Variants in TRPC7 observed in about 807,000 individuals in gnomAD.
TRPC7 encodes the protein short transient receptor potential channel 7.
A neutral mutation model predicts 90.1 loss-of-function variants in TRPC7; 42 were observed. That is an observed-to-expected ratio of 0.47 (90% CI 0.36 to 0.60). The LOEUF is 0.60. Ranked by LOEUF, TRPC7 falls within the 20% of genes least tolerant of loss-of-function variation. The pLI, the probability that TRPC7 is intolerant of heterozygous loss-of-function variation, is 0.00. For missense variants in TRPC7, 955 were observed against 1,112.3 expected, an observed-to-expected ratio of 0.86 and a Z score of 2.01; for synonymous variants, 451 against 436.3, an observed-to-expected ratio of 1.03 and a Z score of -0.42.
chr5:136,216,122 C>T (rs1755258352), intron 11 of TRPC7, 78 bp downstream of exon 11: 2 of 1,214,360 alleles, frequency 1.6e-6, no homozygotes, highest in Middle Eastern at 1.9e-4. Flanking sequence ...CCTGACAACA[C>T]TGTGGCCGTA....
chr5:136,324,727 C>T (rs1759293997), intron 2 of TRPC7, among the ~76,000 whole-genome samples: 1 of 152,100 alleles, frequency 6.6e-6, no homozygotes. Flanking sequence ...AAGTTCAACT[C>T]CTCAATTTTT....
chr5:136,286,556 G>A (rs1353885371), intron 3 of TRPC7, among the ~76,000 whole-genome samples: 1 of 152,190 alleles, frequency 6.6e-6, no homozygotes, highest in Non-Finnish European at 1.5e-5. Flanking sequence ...ATAGCCTTCT[G>A]ATGTCTTCCA....
intron 2 of TRPC7, among the ~76,000 whole-genome samples, chr5:136,318,199 G>A (rs1029093049): frequency 1.3e-5 from 2 of 152,088 alleles, no homozygotes; most frequent in African/African-American, 4.8e-5. Flanking sequence ...CCAAACCTGA[G>A]CTCAATTAGC....
chr5:136,275,083 G>A (rs1757321403), intron 3 of TRPC7, among the ~76,000 whole-genome samples: 1 of 152,098 alleles, frequency 6.6e-6, no homozygotes, highest in African/African-American at 2.4e-5. Context: ...TGCAAACTGG[G>A]CCTAGAAAAG....
chr5:136,226,109 G>A lies in TRPC7; in HGVS notation c.2187C>T (p.Leu729=), dbSNP rs757312499. 8.1e-6 allele frequency: 13 copies of A among 1,601,912 alleles called. No homozygotes were observed. The Admixed American group carries it at 8.5e-5, about 11-fold the overall frequency. ...YYLIMRIKMC[L]IKLCKSKAKS... ...TGGCCTTAGATTTGCAGAGTTTTAT[G>A]AGGCACATCTTGATTCTCATTATGA... The change falls in exon 9 of 12, where the codon CTC becomes CTT. Residue 729 remains leucine, a synonymous_variant. Transcript: ENST00000513104.
At chr5:136,229,959 T>A (rs1366924538) in intron 8 of TRPC7, among the ~76,000 whole-genome samples, 1 of 152,210 alleles carries the variant, frequency 6.6e-6, no homozygotes, top group Non-Finnish European at 1.5e-5. Context: ...TAGATTAGAT[T>A]CCCCTATTTG....
intron 2 of TRPC7, among the ~76,000 whole-genome samples, chr5:136,339,073 T>G (rs1159572847): frequency 6.6e-6 from 1 of 152,230 alleles, no homozygotes; most frequent in Non-Finnish European, 1.5e-5. Flanking sequence ...ATTGATATTT[T>G]CAGAAATGGG....
In TRPC7 at chr5:136,365,371, G is replaced by A; in HGVS notation, c.-117C>T. 9.4e-7 allele frequency: 1 copy of A among 1,064,856 alleles called. No individual in the cohort carries two copies. The highest frequency in any genetic ancestry group is 1.4e-6 in the Non-Finnish European group (1 of 716,878). The allele number at this position is 1,064,856 out of a possible 1,614,324, so 66.0% of individuals were successfully genotyped here. On this transcript the variant is annotated 5_prime_UTR_variant, in exon 1 of 12. Transcript: ENST00000513104. ...AGGATGTACCGCTCTCCGTGGTGCT[G>A]AAGTATAGAGCTGGTCAAGTGAGTT...
chr5:136,337,529 G>A (rs1759705992), intron 2 of TRPC7, among the ~76,000 whole-genome samples: 1 of 152,068 alleles, frequency 6.6e-6, no homozygotes, highest in Admixed American at 6.5e-5. Context: ...AGCTGGGTGT[G>A]GTGATGAGTG....
At chr5:136,290,029 CAG>C (rs1554113390) in intron 3 of TRPC7, among the ~76,000 whole-genome samples, 1 of 152,188 alleles carries the variant, frequency 6.6e-6, no homozygotes, top group Non-Finnish European at 1.5e-5. Context: ...CCCAGGCAAA[CAG>C]GGTCTGGAGT....
At chr5:136,295,640 G>T (rs2149827516) in intron 3 of TRPC7, among the ~76,000 whole-genome samples, 1 of 152,224 alleles carries the variant, frequency 6.6e-6, no homozygotes, top group East Asian at 1.9e-4. Flanking sequence ...GCTTCTCAAT[G>T]GCCTCCAGTT....
intron 3 of TRPC7, among the ~76,000 whole-genome samples, chr5:136,284,903 C>T (rs1214517743): frequency 6.6e-6 from 1 of 152,224 alleles, no homozygotes; most frequent in Non-Finnish European, 1.5e-5. Context: ...GTGCCTGTGA[C>T]TGCCTGTGTG....
chr5:136,356,478 C>T, intron 2 of TRPC7, 130 bp downstream of exon 2: 1 of 959,920 alleles, frequency 1.0e-6, no homozygotes, highest in Non-Finnish European at 1.5e-6. Flanking sequence ...CCCCTCCTCC[C>T]CTGGGCCTGC....
chr5:136,363,404 T>A (rs1451897055), intron 1 of TRPC7, among the ~76,000 whole-genome samples: 1 of 152,168 alleles, frequency 6.6e-6, no homozygotes, highest in African/African-American at 2.4e-5. Flanking sequence ...ATATTAATTG[T>A]GGGTTTAAGG....
At chr5:136,302,303 G>T (rs1423263528) in intron 3 of TRPC7, among the ~76,000 whole-genome samples, 1 of 152,166 alleles carries the variant, frequency 6.6e-6, no homozygotes, top group Non-Finnish European at 1.5e-5. Context: ...CTTTTCTGGG[G>T]GAGGGGAAAG....
Position 136,365,470 on chromosome 5 carries a change from A to G in TRPC7, c.-216T>C. ...GGTAAAAACTCGCCTTCCGAGGCAG[A>G]ACCGTGTTACCGTCCTTTTCCTAAT... is the stretch of plus-strand genomic sequence containing the variant. On this transcript the variant is annotated 5_prime_UTR_variant, in exon 1 of 12. Coordinates refer to ENST00000513104, the MANE Select transcript of TRPC7 (RefSeq NM_020389.3). 1.7e-6 allele frequency: 1 copy of G among 587,806 alleles called. No individual in the cohort carries two copies. Among genetic ancestry groups the G allele is most frequent in the Non-Finnish European group, 3.0e-6 (1 of 330,238 alleles). 36.4% of individuals were successfully genotyped at this position (587,806 alleles called of 1,614,324 possible).
At chr5:136,215,216 G>A (rs1755225004) in intron 11 of TRPC7, among the ~76,000 whole-genome samples, 4 of 152,256 alleles carry the variant, frequency 2.6e-5, no homozygotes, top group South Asian at 2.1e-4. Context: ...GACCCTAAAC[G>A]CAGTGTGCAT....
intron 3 of TRPC7, among the ~76,000 whole-genome samples, chr5:136,293,238 G>T (rs532927948): frequency 5.9e-5 from 9 of 152,310 alleles, no homozygotes; most frequent in South Asian, 4.1e-4. Context: ...ACAAGACAGG[G>T]ATGCCCTCTC....
intron 2 of TRPC7, among the ~76,000 whole-genome samples, chr5:136,331,800 G>T (rs977076035): frequency 6.6e-6 from 1 of 152,138 alleles, no homozygotes; most frequent in African/African-American, 2.4e-5. Context: ...AGTCATTTCA[G>T]TATTCCCTAG....
Sources: gnomAD v4.1 joint callset for allele counts (sites outside exome capture counted in the v4.1 genomes callset) on GRCh38, gnomAD v4.1.1 for gene constraint, MANE v1.5 for transcripts, NCBI Gene and HGNC (gene_info 2026-07-23, HGNC 2026-07-21) for gene names.